The following SLC39A14 variants were observed in gnomAD, a reference collection of about 807,000 sequenced individuals.
SLC39A14 encodes solute carrier family 39 member 14.
In SLC39A14, 19 loss-of-function variants were observed where a neutral mutation model predicts 45.5. That is an observed-to-expected ratio of 0.42 (90% CI 0.29 to 0.61). The LOEUF (loss-of-function observed/expected upper bound fraction) is 0.61, where lower values mean the gene tolerates loss of function less well. Ranked by LOEUF, SLC39A14 falls within the 20% of genes least tolerant of loss-of-function variation. The pLI is 0.22. For synonymous variants in SLC39A14, 264 were observed against 251.3 expected (o/e 1.05, Z -0.48); for missense variants, 447 against 616.5 (o/e 0.73, Z 2.91).
chr8:22,419,839 G>C lies in SLC39A14; in HGVS notation c.*141G>C, dbSNP rs1836126126. Reference sequence around the variant, plus strand: ...ACAGACTGTATTCCTGCATTCAAATGTCAGCCGTTTGTAAAATGCTGTATC... The same window carrying C: ...ACAGACTGTATTCCTGCATTCAAATCTCAGCCGTTTGTAAAATGCTGTATC... On this transcript the variant is annotated 3_prime_UTR_variant, in exon 9 of 9. Coordinates refer to ENST00000381237, the MANE Select transcript of SLC39A14 (RefSeq NM_001128431.4). The C allele has an allele frequency of 7.3e-7, 1 of 1,376,508 alleles. No individual in the cohort carries two copies. Among genetic ancestry groups the C allele is most frequent in the African/African-American group, 1.5e-5 (1 of 68,896 alleles). 85.3% of individuals were successfully genotyped at this position (1,376,508 alleles called of 1,614,324 possible).
chr8:22,408,376 G>A lies in SLC39A14; in HGVS notation c.337G>A (p.Glu113Lys), dbSNP rs748892669. 6.2e-6 allele frequency: 10 copies of A among 1,614,144 alleles called. No individual in the cohort carries two copies. Among genetic ancestry groups the A allele is most frequent in the Non-Finnish European group, 7.6e-6 (9 of 1,180,018 alleles). ...CGAGCAGTCGCGGATTGGGAGCAGCGAGCTCCAGGAGTTCTGCCCCACCAT... is the reference window on the plus strand; with the variant it reads ...CGAGCAGTCGCGGATTGGGAGCAGCAAGCTCCAGGAGTTCTGCCCCACCAT... ...FSEQSRIGSSELQEFCPTILQ... is the reference protein window; with the variant it reads ...FSEQSRIGSSKLQEFCPTILQ... The change falls in exon 3 of 9, where the codon GAG (glutamate) becomes AAG (lysine). Residue 113 changes from glutamate (E) to lysine (K), a missense_variant. Coordinates refer to ENST00000381237, the MANE Select transcript of SLC39A14 (RefSeq NM_001128431.4).
At chr8:22,418,409 A>G (rs1836018070) in intron 8 of SLC39A14, among the ~76,000 whole-genome samples, 1 of 152,200 alleles carries the variant, frequency 6.6e-6, no homozygotes, top group Admixed American at 6.5e-5. Flanking sequence ...GAATGGCTGT[A>G]TATAGATAAG....
chr8:22,415,899 T>C lies in SLC39A14; in HGVS notation c.881T>C (p.Leu294Pro). The change falls in exon 6 of 9, where the codon CTG becomes CCG. Residue 294 changes from leucine (L) to proline (P), a missense_variant. Around this residue, in one of 2 missense-constraint regions of SLC39A14, gnomAD observed 342 missense variants for 428.1 expected, o/e 0.80. Transcript: ENST00000381237. ...ATTCCTCAGCACTGCAGCAGTGAGC[T>C]GGACGGCAAGGCGCCCATGGTGGAC... ...HMIPQHCSSE[L>P]DGKAPMVDEK... 6.2e-7 allele frequency: 1 copy of C among 1,611,408 alleles called. No individual in the cohort carries two copies. The highest frequency in any genetic ancestry group is 2.2e-5 in the East Asian group (1 of 44,844).
intron 1 of SLC39A14, chr8:22,392,834 TCA>T (rs1354556193): frequency 7.0e-6 from 1 of 143,724 alleles, no homozygotes; most frequent in African/African-American, 2.5e-5. Context: ...GTCATTACAC[TCA>T]CTCCGCGCTC....
chr8:22,423,213 G>A (rs1313076550), downstream of SLC39A14, among the ~76,000 whole-genome samples: 1 of 152,056 alleles, frequency 6.6e-6, no homozygotes, highest in Non-Finnish European at 1.5e-5. Flanking sequence ...GCACGATCTC[G>A]GTTCACTGCA....
At chr8:22,424,874 C>T (rs1009174222), downstream of SLC39A14, among the ~76,000 whole-genome samples, 1 of 151,924 alleles carries the variant, frequency 6.6e-6, no homozygotes, top group African/African-American at 2.4e-5. Flanking sequence ...ACTAAAAATA[C>T]AAAATTTAGC....
At chr8:22,374,380 T>G (rs1399726694) in intron 1 of SLC39A14, among the ~76,000 whole-genome samples, 2 of 152,082 alleles carry the variant, frequency 1.3e-5, no homozygotes, top group Non-Finnish European at 2.9e-5. Context: ...ATGGCCTTCC[T>G]GAAGCTGCAG....
chr8:22,391,616 G>A lies in SLC39A14; in HGVS notation c.-15-13080G>A, dbSNP rs925858534. Among the ~76,000 whole-genome samples the A allele has an allele frequency of 3.9e-5, 6 of 152,010 alleles. No individual in the cohort carries two copies. The South Asian group carries it at 1.0e-3, about 26-fold the overall frequency. On this transcript the variant is annotated intron_variant, in intron 1 of 8. Transcript: ENST00000381237. ...ATGGAGTCTTTGCTCTGTTGCCCAG[G>A]GTGGAGTGCAGTGGCGCGATCTCGG...
At chr8:22,399,851 G>C (rs978219545) in intron 1 of SLC39A14, among the ~76,000 whole-genome samples, 3 of 152,244 alleles carry the variant, frequency 2.0e-5, no homozygotes, top group Non-Finnish European at 4.4e-5. Flanking sequence ...TCCCACACCT[G>C]AAGTCTTTTG....
chr8:22,386,178 C>G (rs953085621), intron 1 of SLC39A14, among the ~76,000 whole-genome samples: 3 of 151,936 alleles, frequency 2.0e-5, no homozygotes, highest in African/African-American at 7.3e-5. Flanking sequence ...CTCCTGACCT[C>G]AGGTGATCCG....
chr8:22,420,558 C>T lies in SLC39A14; in HGVS notation c.*860C>T. 1.0e-6 allele frequency: 1 copy of T among 985,352 alleles called. No individual in the cohort carries two copies. Among genetic ancestry groups the T allele is most frequent in the Non-Finnish European group, 1.2e-6 (1 of 829,934 alleles). 61.0% of individuals were successfully genotyped at this position (985,352 alleles called of 1,614,324 possible). A position where few individuals can be genotyped will look rare whatever the true frequency, so the allele number is the denominator to read the frequency against. Reference sequence around the variant, plus strand: ...CTTCTAAGAGACTTTGTAGCTGCCTCCTAGAAGCACATTCTGAGCACATTT... The same window carrying T: ...CTTCTAAGAGACTTTGTAGCTGCCTTCTAGAAGCACATTCTGAGCACATTT... On this transcript the variant is annotated 3_prime_UTR_variant, in exon 9 of 9. Transcript: ENST00000381237.
downstream of SLC39A14, among the ~76,000 whole-genome samples, chr8:22,425,028 CAAAAAAAAAAAAA>C (rs71544902): frequency 1.3e-5 from 1 of 74,344 alleles, no homozygotes; most frequent in African/African-American, 4.6e-5. Flanking sequence ...GACTCCGTCT[CAAAAAAAAAAAAA>C]AAAAAAAAAG....
chr8:22,401,736 G>T (rs572249001), intron 1 of SLC39A14, among the ~76,000 whole-genome samples: 1 of 151,742 alleles, frequency 6.6e-6, no homozygotes, highest in Non-Finnish European at 1.5e-5. Context: ...GGGTTTCACC[G>T]TGTTGGCCAG....
chr8:22,370,549 G>A (rs984592510), intron 1 of SLC39A14, among the ~76,000 whole-genome samples: 1 of 152,188 alleles, frequency 6.6e-6, no homozygotes, highest in African/African-American at 2.4e-5. Flanking sequence ...TGGATCCAGG[G>A]AGGTGAATTG....
intron 1 of SLC39A14, among the ~76,000 whole-genome samples, chr8:22,368,292 T>C (rs537209974): frequency 1.3e-5 from 2 of 152,154 alleles, no homozygotes; most frequent in African/African-American, 2.4e-5. Flanking sequence ...TTTACGTCTT[T>C]AGTGGCTCTC....
Position 22,421,308 on chromosome 8 carries a change from T to C in SLC39A14, c.*1610T>C. 2.0e-6 allele frequency: 2 copies of C among 985,910 alleles called. No individual in the cohort carries two copies. The highest frequency in any genetic ancestry group is 2.4e-6 in the Non-Finnish European group (2 of 829,950). 61.1% of individuals were successfully genotyped at this position (985,910 alleles called of 1,614,324 possible). ...AAGCAGCATCCGTTTTGTTTTCTCT[T>C]CTTGGGAGACATCTGTCAAACCAGG... On this transcript the variant is annotated 3_prime_UTR_variant, in exon 9 of 9. Transcript: ENST00000381237.
chr8:22,413,565 A>C (rs111349142), intron 4 of SLC39A14, among the ~76,000 whole-genome samples: 1 of 152,180 alleles, frequency 6.6e-6, no homozygotes, highest in South Asian at 2.1e-4. Context: ...TGGTGATTCA[A>C]TTTGGCCTGT....
chr8:22,372,873 GA>G (rs1833008279), intron 1 of SLC39A14, among the ~76,000 whole-genome samples: 3 of 151,862 alleles, frequency 2.0e-5, no homozygotes, highest in Non-Finnish European at 4.4e-5. Flanking sequence ...GGCTTCAAGC[GA>G]TCCTTCTGCC....
rs368206802 is a variant in SLC39A14 at position 22,399,859 on chromosome 8, T to C, written c.-15-4837T>C. 3.9e-5 allele frequency among the ~76,000 whole-genome samples: 6 copies of C among 152,200 alleles called. No homozygotes were observed. In the East Asian group the frequency reaches 5.8e-4, roughly 15 times the overall value. ...CTGAGTTTCCCACACCTGAAGTCTT[T>C]TGGGGTTTGTTTGCTCAGTGGTTTG... On this transcript the variant is annotated intron_variant, in intron 1 of 8. Coordinates refer to ENST00000381237, the MANE Select transcript of SLC39A14 (RefSeq NM_001128431.4).
Sources: allele counts gnomAD v4.1 joint callset (sites outside exome capture counted in the v4.1 genomes callset), GRCh38; gene constraint gnomAD v4.1.1; regional missense constraint gnomAD v4.1.1; transcripts MANE v1.5; gene names NCBI Gene and HGNC (gene_info 2026-07-23, HGNC 2026-07-21).